Variants in EFHD1 observed in about 807,000 individuals in gnomAD.
The protein encoded by EFHD1 is EF-hand domain-containing protein D1.
EFHD1 carries 10 observed loss-of-function variants against 17.2 expected under a neutral mutation model. The ratio of observed to expected loss-of-function variants is 0.58; its 90% CI spans 0.36 to 0.99. The LOEUF (loss-of-function observed/expected upper bound fraction) is 0.99. Among genes scored for constraint, EFHD1 ranks in the 50% least tolerant of loss-of-function variants. EFHD1 has a pLI of 0.01. For synonymous variants in EFHD1, 153 were observed against 142.0 expected (o/e 1.08, Z -0.55); for missense variants, 310 against 327.5 (o/e 0.95, Z 0.41).
intron 1 of EFHD1, among the ~76,000 whole-genome samples, chr2:232,612,417 A>C (rs1693828306): frequency 6.6e-6 from 1 of 152,222 alleles, no homozygotes; most frequent in Non-Finnish European, 1.5e-5. Context: ...TACTTTTATA[A>C]CTCACTAAAT....
At chr2:232,650,904 A>G (rs1048123304) in intron 1 of EFHD1, among the ~76,000 whole-genome samples, 5 of 152,052 alleles carry the variant, frequency 3.3e-5, no homozygotes, top group African/African-American at 1.2e-4. Context: ...ATATATATGT[A>G]TATGGATTAA....
At chr2:232,660,475 C>T (rs1200391368) in intron 1 of EFHD1, among the ~76,000 whole-genome samples, 1 of 151,930 alleles carries the variant, frequency 6.6e-6, no homozygotes, top group Admixed American at 6.6e-5. Flanking sequence ...ATTGGGATTA[C>T]AGGTGTGAGC....
At chr2:232,638,484 G>T in intron 1 of EFHD1, 1 of 470,890 alleles carries the variant, frequency 2.1e-6, no homozygotes, top group South Asian at 1.6e-5. Flanking sequence ...AACCCAAAAA[G>T]GTGAGGCTGT....
In EFHD1 at chr2:232,681,784, G is replaced by A; in HGVS notation, c.*65G>A. 6 of 1,566,750 alleles carry A rather than the reference G, an allele frequency of 3.8e-6. No individual in the cohort carries two copies. The highest frequency in any genetic ancestry group is 5.2e-6 in the Non-Finnish European group (6 of 1,155,324). ...AGATGCCCCGAGAAGAGATGACTAG[G>A]CATCTTCATCACTGCTGTCGGTCCC... On this transcript the variant is annotated 3_prime_UTR_variant, in exon 4 of 4. Transcript: ENST00000264059.
At chr2:232,608,245 C>A (rs1026923710) in intron 1 of EFHD1, among the ~76,000 whole-genome samples, 3 of 152,100 alleles carry the variant, frequency 2.0e-5, no homozygotes, top group Non-Finnish European at 4.4e-5. Context: ...TGGTGCACAT[C>A]TGTAATCCCA....
chr2:232,646,378 A>G (rs897118880), intron 1 of EFHD1, among the ~76,000 whole-genome samples: 8 of 147,188 alleles, frequency 5.4e-5, no homozygotes, highest in African/African-American at 7.6e-5. Flanking sequence ...AGTTGATTAC[A>G]CTTAGGTCTG....
intron 1 of EFHD1, among the ~76,000 whole-genome samples, chr2:232,640,480 C>T (rs1165523663): frequency 1.3e-5 from 2 of 152,312 alleles, no homozygotes; most frequent in Non-Finnish European, 2.9e-5. Flanking sequence ...ACGATGATCA[C>T]CATGAGCCCC....
At position 232,633,823 on chromosome 2, in the gene EFHD1, C is replaced by A. The variant is rs991080128; in HGVS notation, c.119C>A (p.Pro40His). The A allele has an allele frequency of 1.1e-4, 164 of 1,475,458 alleles. No homozygotes were observed. In the African/African-American group the frequency reaches 2.2e-3, roughly 20 times the overall value. The allele number at this position is 1,475,458 out of a possible 1,614,324, so 91.4% of individuals were successfully genotyped here. ...CCAGCCCCGGAGCCCAAGCCCGAGC[C>A]CGAGCCTCCCGCCCGTGCGCCCACG... is the stretch of plus-strand genomic sequence containing the variant. The part of the protein sequence containing the change: ...GAPAPEPKPE[P>H]EPPARAPTAS... Residue 40 changes from proline to histidine, a missense_variant, in exon 1 of 4, where the codon CCC becomes CAC. Coordinates refer to ENST00000264059, the MANE Select transcript of EFHD1 (RefSeq NM_025202.4).
intron 2 of EFHD1, among the ~76,000 whole-genome samples, chr2:232,665,070 C>T (rs1694946062): frequency 6.6e-6 from 1 of 152,086 alleles, no homozygotes; most frequent in Non-Finnish European, 1.5e-5. Flanking sequence ...ACCACTACAC[C>T]TGGCTAATTT....
intron 1 of EFHD1, chr2:232,606,312 TC>T: frequency 9.6e-7 from 1 of 1,037,160 alleles, no homozygotes; most frequent in Non-Finnish European, 1.5e-6. Flanking sequence ...GGCCCTCGCT[TC>T]CCTGCCCCGC....
At chr2:232,647,467 G>A (rs1424440485) in intron 1 of EFHD1, among the ~76,000 whole-genome samples, 1 of 152,284 alleles carries the variant, frequency 6.6e-6, no homozygotes, top group South Asian at 2.1e-4. Flanking sequence ...CCTGACCTTG[G>A]CACTGCTGGA....
At chr2:232,649,522 C>G (rs1033336720) in intron 1 of EFHD1, among the ~76,000 whole-genome samples, 1 of 152,146 alleles carries the variant, frequency 6.6e-6, no homozygotes, top group East Asian at 1.9e-4. Flanking sequence ...AAAGATGAGG[C>G]TGTCTGGGAC....
In EFHD1 at chr2:232,682,054, T is replaced by C. The variant is rs2106223552; in HGVS notation, c.*335T>C. ...GAGTAGTCTGCTATATCAATTTGTG[T>C]AGATATGTCTGTCTTTTTGGGTCCT... On this transcript the variant is annotated 3_prime_UTR_variant, in exon 4 of 4. Transcript: ENST00000264059. The C allele has an allele frequency of 4.8e-6, 1 of 209,192 alleles. No individual in the cohort carries two copies. Among genetic ancestry groups the C allele is most frequent in the Admixed American group, 5.9e-5 (1 of 16,966 alleles). The allele number at this position is 209,192 out of a possible 1,614,324, so 13.0% of individuals were successfully genotyped here. A position where few individuals can be genotyped will look rare whatever the true frequency, so the allele number is the denominator to read the frequency against.
chr2:232,634,091 G>A, intron 1 of EFHD1, 85 bp downstream of exon 1: 1 of 1,544,476 alleles, frequency 6.5e-7, no homozygotes, highest in Non-Finnish European at 8.7e-7. Context: ...GGCCCTGTTT[G>A]TGTGGGGAGG....
At chr2:232,656,490 A>C (rs1300141749) in intron 1 of EFHD1, among the ~76,000 whole-genome samples, 6 of 146,514 alleles carry the variant, frequency 4.1e-5, no homozygotes, top group Non-Finnish European at 7.5e-5. Context: ...GCTGGAGTGC[A>C]GTTGTATGAG....
In EFHD1 at chr2:232,682,154, C is replaced by T. The variant is rs1695297776; in HGVS notation, c.*435C>T. 6.4e-6 allele frequency: 1 copy of T among 156,542 alleles called. No individual in the cohort carries two copies. Among genetic ancestry groups the T allele is most frequent in the Non-Finnish European group, 1.4e-5 (1 of 71,100 alleles). 9.7% of individuals were successfully genotyped at this position (156,542 alleles called of 1,614,324 possible). A position where few individuals can be genotyped will look rare whatever the true frequency, so the allele number is the denominator to read the frequency against. ...TCACATTCAACTTCCCTGTTCTCAT[C>T]TTTGGTAGGATTCTGCCAGTTGCTT... On this transcript the variant is annotated 3_prime_UTR_variant, in exon 4 of 4. Coordinates refer to ENST00000264059, the MANE Select transcript of EFHD1 (RefSeq NM_025202.4).
chr2:232,621,902 G>A (rs750658064), intron 1 of EFHD1, among the ~76,000 whole-genome samples: 1 of 152,170 alleles, frequency 6.6e-6, no homozygotes, highest in Admixed American at 6.5e-5. Context: ...GAGGGCTCCT[G>A]GTTGTGTCTG....
intron 1 of EFHD1, among the ~76,000 whole-genome samples, chr2:232,622,342 G>A (rs895167712): frequency 5.3e-5 from 8 of 152,206 alleles, no homozygotes; most frequent in Non-Finnish European, 1.0e-4. Context: ...GGTGGCGGAC[G>A]CCTGTAATCC....
chr2:232,651,866 T>C (rs1305854825), intron 1 of EFHD1, among the ~76,000 whole-genome samples: 5 of 152,162 alleles, frequency 3.3e-5, no homozygotes, highest in Admixed American at 3.3e-4. Flanking sequence ...TCTGTCTTTG[T>C]GAACTATTTT....
Sources: allele counts gnomAD v4.1 joint callset (sites outside exome capture counted in the v4.1 genomes callset), GRCh38; gene constraint gnomAD v4.1.1; transcripts MANE v1.5; gene names NCBI Gene and HGNC (gene_info 2026-07-23, HGNC 2026-07-21).